Variants in ROBO1 observed in about 807,000 individuals in gnomAD.
ROBO1 encodes roundabout homolog 1.
In ROBO1, 149 loss-of-function variants were observed where a neutral mutation model predicts 195.9. The observed-to-expected ratio is 0.76, with a 90% CI of 0.67 to 0.87. The LOEUF (loss-of-function observed/expected upper bound fraction) is 0.87, where lower values mean the gene tolerates loss of function less well. Ranked by LOEUF, ROBO1 falls within the 40% of genes least tolerant of loss-of-function variation. The probability of loss-of-function intolerance (pLI) is 0.00; values close to 1 mark genes in which losing one functional copy is unlikely to be tolerated. For missense variants in ROBO1, 1,933 were observed against 2,068.3 expected, an observed-to-expected ratio of 0.93 and a Z score of 1.27; for synonymous variants, 816 against 733.2, an observed-to-expected ratio of 1.11 and a Z score of -1.82.
intron 1 of ROBO1, among the ~76,000 whole-genome samples, chr3:79,668,412 G>T (rs1946533199): frequency 1.7e-5 from 1 of 57,886 alleles, no homozygotes. Context: ...TTATAAATAA[G>T]TCTCTGTGAA....
At chr3:79,166,618 T>A (rs1186914119) in intron 2 of ROBO1, among the ~76,000 whole-genome samples, 1 of 149,968 alleles carries the variant, frequency 6.7e-6, no homozygotes, top group Non-Finnish European at 1.5e-5. Flanking sequence ...CAGGCTGGAG[T>A]GCAGTGGTGC....
At chr3:79,323,706 C>T (rs2034087093) in intron 2 of ROBO1, among the ~76,000 whole-genome samples, 1 of 152,144 alleles carries the variant, frequency 6.6e-6, no homozygotes, top group African/African-American at 2.4e-5. Context: ...ATATCATATA[C>T]AAATATAAAT....
intron 3 of ROBO1, among the ~76,000 whole-genome samples, chr3:79,093,197 C>T (rs1487510281): frequency 6.6e-6 from 1 of 151,914 alleles, no homozygotes; most frequent in Non-Finnish European, 1.5e-5. Context: ...GGGGTAACAC[C>T]AGGTTTGGAA....
intron 2 of ROBO1, among the ~76,000 whole-genome samples, chr3:79,156,791 T>C (rs139587167): frequency 6.6e-6 from 1 of 152,022 alleles, no homozygotes; most frequent in African/African-American, 2.4e-5. Context: ...ACACATAACT[T>C]TCCTTGATAA....
chr3:78,957,154 AAACC>A (rs889342781), intron 3 of ROBO1, among the ~76,000 whole-genome samples: 11 of 152,268 alleles, frequency 7.2e-5, no homozygotes, highest in African/African-American at 2.6e-4. Context: ...GAAGTTCTGA[AAACC>A]AACAAATATT....
intron 3 of ROBO1, among the ~76,000 whole-genome samples, chr3:79,121,707 G>A (rs537261048): frequency 6.6e-6 from 1 of 152,062 alleles, no homozygotes; most frequent in South Asian, 2.1e-4. Context: ...AAACAGACCT[G>A]TGGAGATGGA....
At chr3:79,667,008 T>G (rs1365992024) in intron 1 of ROBO1, among the ~76,000 whole-genome samples, 1 of 151,880 alleles carries the variant, frequency 6.6e-6, no homozygotes, top group Non-Finnish European at 1.5e-5. Flanking sequence ...TACTAAATAT[T>G]TACACAAAAT....
intron 4 of ROBO1, among the ~76,000 whole-genome samples, chr3:78,749,028 T>C (rs1443308282): frequency 6.6e-6 from 1 of 152,148 alleles, no homozygotes; most frequent in East Asian, 1.9e-4. Context: ...TCACTATTTA[T>C]AAACTTATAT....
In ROBO1 at chr3:78,597,551, C is replaced by T. The variant is rs1702896999; in HGVS notation, c.*1362G>A. The T allele has an allele frequency of 6.6e-6, 1 of 151,752 alleles. No homozygotes were observed. The highest frequency in any genetic ancestry group is 2.4e-5 in the African/African-American group (1 of 41,066). The allele number at this position is 151,752 out of a possible 1,614,324, so 9.4% of individuals were successfully genotyped here. ...ATGAATAAATGTACATTTTTTTCTT[C>T]AAATAGCACCAATTATAAAATCAAT... On this transcript the variant is annotated 3_prime_UTR_variant, in exon 31 of 31. Transcript: ENST00000464233.
intron 3 of ROBO1, among the ~76,000 whole-genome samples, chr3:78,960,835 A>C (rs966259826): frequency 4.8e-5 from 7 of 146,896 alleles, no homozygotes; most frequent in African/African-American, 1.5e-4. Context: ...CACACACACA[A>C]AATGAAAATG....
At chr3:79,135,406 A>G (rs910230682) in intron 2 of ROBO1, among the ~76,000 whole-genome samples, 1 of 152,164 alleles carries the variant, frequency 6.6e-6, no homozygotes, top group Non-Finnish European at 1.5e-5. Flanking sequence ...ACAGTATACA[A>G]TATCAGCTAT....
rs578232134 is a variant in ROBO1 at position 78,997,354 on chromosome 3, G to A, written c.173-58427C>T. ...GCATATAGGTTCCATGAGAGACTAG[G>A]AAAAACGTGGGTTGTTTGGTTTGGT... On this transcript the variant is annotated intron_variant, in intron 3 of 30. Transcript: ENST00000464233. 4.6e-5 allele frequency among the ~76,000 whole-genome samples: 7 copies of A among 152,190 alleles called. No individual in the cohort carries two copies. The East Asian group carries it at 1.4e-3, about 29-fold the overall frequency.
intron 1 of ROBO1, among the ~76,000 whole-genome samples, chr3:79,617,820 CAA>C (rs60181598): frequency 1.7e-4 from 10 of 57,882 alleles, no homozygotes; most frequent in South Asian, 1.4e-3. Flanking sequence ...GACTCTGTCT[CAA>C]AAAAAAAAAA....
chr3:79,210,618 A>G (rs916390030), intron 2 of ROBO1, among the ~76,000 whole-genome samples: 13 of 152,194 alleles, frequency 8.5e-5, no homozygotes, highest in East Asian at 3.9e-4. Context: ...AAGGACACAC[A>G]GCAAGTAGCC....
rs1704749256 is a variant in ROBO1, at chr3:78,625,986, T to A, written c.3875+1335A>T. Among the ~76,000 whole-genome samples the A allele has an allele frequency of 2.0e-5, 3 of 151,872 alleles. No homozygotes were observed. In the South Asian group the frequency reaches 6.2e-4, roughly 32 times the overall value. ...TGAATGAAGAGGAAGAGGCTGGACA[T>A]TCCAGACAGATAAAGGAAAACCGAT... On this transcript the variant is annotated intron_variant, in intron 26 of 30. Transcript: ENST00000464233.
At chr3:79,478,454 T>C (rs1296887565) in intron 2 of ROBO1, among the ~76,000 whole-genome samples, 2 of 140,226 alleles carry the variant, frequency 1.4e-5, no homozygotes, top group Admixed American at 1.5e-4. Flanking sequence ...TACTGAACTA[T>C]GTGCCTGGAG....
chr3:79,240,793 C>T (rs1027400602), intron 2 of ROBO1, among the ~76,000 whole-genome samples: 8 of 151,988 alleles, frequency 5.3e-5, no homozygotes, highest in African/African-American at 1.9e-4. Flanking sequence ...AGGCATGTGC[C>T]ATCATGCCTG....
At chr3:78,740,174 C>T (rs79799983) in intron 5 of ROBO1, among the ~76,000 whole-genome samples, 8,293 of 150,538 alleles carry the variant, frequency 0.055, 681 homozygotes, top group African/African-American at 0.18. Flanking sequence ...TCATCATCTC[C>T]TTCTTCTTCA....
At chr3:79,081,449 A>C (rs2079273203) in intron 3 of ROBO1, among the ~76,000 whole-genome samples, 1 of 152,184 alleles carries the variant, frequency 6.6e-6, no homozygotes, top group South Asian at 2.1e-4. Context: ...CTGGAAAAAG[A>C]TAGTGTACTG....
Sources: gnomAD v4.1 joint callset for allele counts (sites outside exome capture counted in the v4.1 genomes callset) on GRCh38, gnomAD v4.1.1 for gene constraint, MANE v1.5 for transcripts, NCBI Gene and HGNC (gene_info 2026-07-23, HGNC 2026-07-21) for gene names.